Variants in NPAS4 observed in about 807,000 individuals in gnomAD.
The protein encoded by NPAS4 is neuronal PAS domain-containing protein 4.
A neutral mutation model predicts 64.0 loss-of-function variants in NPAS4; 10 were observed. That is an observed-to-expected ratio of 0.16 (90% confidence interval 0.10 to 0.26). The LOEUF (loss-of-function observed/expected upper bound fraction) is 0.26. Among genes scored for constraint, NPAS4 ranks in the 10% least tolerant of loss-of-function variants. The pLI, the probability that NPAS4 is intolerant of heterozygous loss-of-function variation, is 1.00. For synonymous variants in NPAS4, 441 were observed against 411.7 expected (o/e 1.07, Z -0.86); for missense variants, 886 against 992.6 (o/e 0.89, Z 1.44).
intron 7 of NPAS4, 72 bp downstream of exon 7, chr11:66,425,342 A>C: frequency 1.2e-6 from 1 of 805,108 alleles, no homozygotes; most frequent in Non-Finnish European, 1.9e-6. Context: ...ATTTAGGCAA[A>C]TCAATTCCCC....
Position 66,425,146 on chromosome 11 carries a change from C to T in NPAS4, c.2256C>T (p.Ser752=), listed in dbSNP as rs750815229. 1 of 1,605,706 alleles carries T rather than the reference C, an allele frequency of 6.2e-7. No homozygotes were observed. The highest frequency in any genetic ancestry group is 1.1e-5 in the South Asian group (1 of 89,754). Residue 752 remains serine (S), a synonymous_variant, in exon 7 of 8, where the codon AGC becomes AGT. Coordinates refer to ENST00000311034, the MANE Select transcript of NPAS4 (RefSeq NM_178864.4). ...PCNNLSPEDH[S]FLEDLATYET... is the part of the protein sequence containing the mutation. ...ACAACCTGTCCCCAGAAGACCACAG[C>T]TTCCTGGAGGACCTGGCCACATATG...
At position 66,422,254 on chromosome 11, in the gene NPAS4, C is replaced by T; in HGVS notation, c.310C>T (p.His104Tyr). The change falls in exon 2 of 8, where the codon CAT becomes TAT. Residue 104 changes from histidine to tyrosine, a missense_variant. Coordinates refer to ENST00000311034, the MANE Select transcript of NPAS4 (RefSeq NM_178864.4). The stretch of plus-strand genomic sequence containing the variant: ...CTACCTGTCTGAGAGTGTGAGCGAG[C>T]ATCTGGGCCACTCCATGGTGAGTGC... ...LLYLSESVSE[H>Y]LGHSMVDLVA... The T allele has an allele frequency of 6.2e-7, 1 of 1,613,998 alleles. No individual in the cohort carries two copies. Among genetic ancestry groups the T allele is most frequent in the Non-Finnish European group, 8.5e-7 (1 of 1,179,990 alleles).
chr11:66,425,422 A>C (rs1449829492), intron 7 of NPAS4, 152 bp downstream of exon 7: 3 of 487,810 alleles, frequency 6.1e-6, no homozygotes, highest in Non-Finnish European at 1.1e-5. Flanking sequence ...GAGATAAGAA[A>C]AAATGAAAGA....
At chr11:66,411,820 C>T in the NPAS4 span, among the ~76,000 whole-genome samples, 1 of 152,240 alleles carries the variant, frequency 6.6e-6, no homozygotes, top group East Asian at 1.9e-4. Context: ...CCCTGACCTT[C>T]TCTGACCACT....
upstream of NPAS4, chr11:66,417,023 C>T (rs1856679360): frequency 6.6e-6 from 1 of 152,152 alleles, no homozygotes; most frequent in African/African-American, 2.4e-5. Context: ...CCCCAGTTTC[C>T]CAATAAAGCT....
At chr11:66,420,425 G>A (rs148729715), upstream of NPAS4, among the ~76,000 whole-genome samples, 1,674 of 152,334 alleles carry the variant, frequency 0.011, 23 homozygotes, top group Middle Eastern at 0.02. Flanking sequence ...TGGGAAGCGG[G>A]GGCGGGAATT....
At chr11:66,418,377 T>G (rs1162366221), upstream of NPAS4, among the ~76,000 whole-genome samples, 1 of 152,154 alleles carries the variant, frequency 6.6e-6, no homozygotes, top group Non-Finnish European at 1.5e-5. Flanking sequence ...CTGCTTGCTA[T>G]TTCGGAACCG....
In NPAS4 at chr11:66,424,425, T is replaced by A. The variant is rs1856807417; in HGVS notation, c.1535T>A (p.Leu512Gln). 1 of 1,614,088 alleles carries A rather than the reference T, an allele frequency of 6.2e-7. No individual in the cohort carries two copies. The highest frequency in any genetic ancestry group is 8.5e-7 in the Non-Finnish European group (1 of 1,180,008). The part of the protein sequence containing the change: ...TPCTSTFPDQ[L>Q]LPSTATFPEP... ...TGCACCTCCACCTTCCCAGACCAGC[T>A]GCTTCCCAGCACAGCCACCTTCCCA... The change falls in exon 7 of 8, where the codon CTG becomes CAG. Residue 512 changes from leucine to glutamine, a missense_variant. Around this residue, in one of 3 missense-constraint regions of NPAS4, gnomAD observed 820 missense variants for 855.5 expected, o/e 0.96. Transcript: ENST00000311034.
intron 1 of NPAS4, 37 bp downstream of exon 1, chr11:66,421,391 A>G (rs1320540174): frequency 2.5e-6 from 4 of 1,600,236 alleles, no homozygotes; most frequent in Non-Finnish European, 3.4e-6. Flanking sequence ...CCGAGCTGCC[A>G]GGCGCCGGAG....
chr11:66,421,112 C>T lies in NPAS4; in HGVS notation c.-68C>T. ...AGACGGGGAAGCACGGAGGAGGAAGCCGCCGGTGCGTCGGGACGGGAGCGC... is the reference window on the plus strand; with the variant it reads ...AGACGGGGAAGCACGGAGGAGGAAGTCGCCGGTGCGTCGGGACGGGAGCGC... On this transcript the variant is annotated 5_prime_UTR_variant, in exon 1 of 8. Transcript: ENST00000311034. 7.2e-7 allele frequency: 1 copy of T among 1,386,096 alleles called. No individual in the cohort carries two copies. The highest frequency in any genetic ancestry group is 9.9e-7 in the Non-Finnish European group (1 of 1,010,382). The allele number at this position is 1,386,096 out of a possible 1,614,324, so 85.9% of individuals were successfully genotyped here.
the NPAS4 span, among the ~76,000 whole-genome samples, chr11:66,413,265 G>A: frequency 1.3e-5 from 2 of 152,246 alleles, no homozygotes; most frequent in African/African-American, 4.8e-5. Context: ...CTCGGCAGAG[G>A]AGAGAGGCAG....
upstream of NPAS4, among the ~76,000 whole-genome samples, chr11:66,418,607 A>G (rs1276515785): frequency 6.6e-6 from 1 of 152,048 alleles, no homozygotes; most frequent in Non-Finnish European, 1.5e-5. Context: ...GTCCCTTTCT[A>G]GACCCTTCTT....
the NPAS4 span, chr11:66,410,912 C>T: frequency 6.6e-6 from 1 of 152,414 alleles, no homozygotes; most frequent in East Asian, 1.9e-4. Flanking sequence ...CTGTGTAGAC[C>T]ACCTGAGGAT....
chr11:66,425,744 G>A (rs1005645295), intron 7 of NPAS4, among the ~76,000 whole-genome samples: 1 of 152,192 alleles, frequency 6.6e-6, no homozygotes. Flanking sequence ...CTCCATTGAG[G>A]TAGCTCCCTG....
At chr11:66,419,186 C>A (rs772417657), upstream of NPAS4, among the ~76,000 whole-genome samples, 2 of 152,128 alleles carry the variant, frequency 1.3e-5, no homozygotes, top group Non-Finnish European at 2.9e-5. Flanking sequence ...TCTCTGTCAT[C>A]CAGGTCAATG....
chr11:66,421,444 GGGCAGCGTGCT>G (rs1248568921), intron 1 of NPAS4, 90 bp downstream of exon 1: 15 of 1,211,782 alleles, frequency 1.2e-5, no homozygotes, highest in Non-Finnish European at 1.4e-5. Flanking sequence ...CGCATGTCTA[GGGCAGCGTGCT>G]GGCGAGCTGG....
At chr11:66,416,617 C>T (rs917011658), upstream of NPAS4, among the ~76,000 whole-genome samples, 1 of 152,226 alleles carries the variant, frequency 6.6e-6, no homozygotes, top group African/African-American at 2.4e-5. Flanking sequence ...CCAATTGCAT[C>T]AATGCATCTT....
In NPAS4 at chr11:66,421,225, A is replaced by C; in HGVS notation, c.46A>C (p.Ile16Leu). 1 of 1,613,580 alleles carries C rather than the reference A, an allele frequency of 6.2e-7. No individual in the cohort carries two copies. Among genetic ancestry groups the C allele is most frequent in the Non-Finnish European group, 8.5e-7 (1 of 1,179,822 alleles). ...CGCCTCCAAGGCGCGCCGGGACCAG[A>C]TCAACGCCGAGATCCGGAACCTCAA... ...KGASKARRDQ[I>L]NAEIRNLKEL... is the part of the protein sequence containing the mutation. The change falls in exon 1 of 8, where the codon ATC becomes CTC. Residue 16 changes from isoleucine (I) to leucine (L), a missense_variant. Ile to Leu is a conservative substitution (Grantham distance 5, BLOSUM62 2). Transcript: ENST00000311034.
chr11:66,410,914 C>G, the NPAS4 span: 1 of 152,310 alleles, frequency 6.6e-6, no homozygotes, highest in Non-Finnish European at 1.5e-5. Flanking sequence ...GTGTAGACCA[C>G]CTGAGGATGA....
Sources: allele counts gnomAD v4.1 joint callset (sites outside exome capture counted in the v4.1 genomes callset), GRCh38; gene constraint gnomAD v4.1.1; regional missense constraint gnomAD v4.1.1; transcripts MANE v1.5; gene names NCBI Gene and HGNC (gene_info 2026-07-23, HGNC 2026-07-21).